The following NGLY1 variants were observed in gnomAD, a reference collection of about 807,000 sequenced individuals.
NGLY1 encodes the protein N-glycanase 1, also known as peptide-N(4)-(N-acetyl-beta-glucosaminyl)asparagine amidase.
NGLY1 carries 68 observed loss-of-function variants against 84.6 expected under a neutral mutation model. That is an observed-to-expected ratio of 0.80 (90% confidence interval 0.66 to 0.98). The LOEUF is 0.98. NGLY1 is among the 50% of genes least tolerant of loss of function. The pLI is 0.00. For synonymous variants in NGLY1, 280 were observed against 275.2 expected (o/e 1.02, Z -0.17); for missense variants, 779 against 770.2 (o/e 1.01, Z -0.14).
intron 6 of NGLY1, 152 bp from the exon 7 acceptor site, chr3:25,736,301 T>C (rs545959772): frequency 4.5e-6 from 7 of 1,550,742 alleles, no homozygotes; most frequent in South Asian, 1.2e-5. Context: ...CACAGGATTT[T>C]AGAATACCTG....
At chr3:25,777,395 CA>C (rs11332980) in intron 2 of NGLY1, among the ~76,000 whole-genome samples, 8,631 of 87,218 alleles carry the variant, frequency 0.099, 535 homozygotes, top group African/African-American at 0.28. Flanking sequence ...AACTCCATCT[CA>C]AAAAAAAAAA....
chr3:25,732,539 T>C (rs1269021898), intron 8 of NGLY1, 56 bp from the exon 9 acceptor site: 1 of 1,355,548 alleles, frequency 7.4e-7, no homozygotes, highest in Non-Finnish European at 1.0e-6. Flanking sequence ...TATAGGTCCA[T>C]CTCTAAGCAA....
At chr3:25,723,927 C>T (rs1213782459) in intron 10 of NGLY1, among the ~76,000 whole-genome samples, 2 of 152,178 alleles carry the variant, frequency 1.3e-5, no homozygotes, top group Admixed American at 6.5e-5. Context: ...ACCAGTGACC[C>T]ATCCTTGCTC....
chr3:25,774,431 C>T (rs1708054520), intron 2 of NGLY1, among the ~76,000 whole-genome samples: 1 of 152,174 alleles, frequency 6.6e-6, no homozygotes, highest in Admixed American at 6.5e-5. Flanking sequence ...TTAGGCATGT[C>T]TGAGAGCAGA....
At chr3:25,785,214 A>G (rs1708576508), upstream of NGLY1, among the ~76,000 whole-genome samples, 1 of 150,986 alleles carries the variant, frequency 6.6e-6, no homozygotes. Context: ...CATTTTCTCT[A>G]CCATATCATT....
At chr3:25,775,617 T>C (rs1708121025) in intron 2 of NGLY1, among the ~76,000 whole-genome samples, 1 of 152,042 alleles carries the variant, frequency 6.6e-6, no homozygotes, top group Non-Finnish European at 1.5e-5. Context: ...AGAGTGATTG[T>C]AAAAAGATAT....
chr3:25,766,910 C>T (rs1253426629), intron 2 of NGLY1, among the ~76,000 whole-genome samples: 2 of 152,118 alleles, frequency 1.3e-5, no homozygotes, highest in Non-Finnish European at 2.9e-5. Context: ...GCCAAAGTGT[C>T]TATATCAAAA....
chr3:25,739,729 G>A lies in NGLY1; in HGVS notation c.729C>T (p.His243=). The A allele has an allele frequency of 1.2e-6, 2 of 1,614,052 alleles. No individual in the cohort carries two copies. Among genetic ancestry groups the A allele is most frequent in the Non-Finnish European group, 1.7e-6 (2 of 1,179,990 alleles). The change falls in exon 5 of 12, where the codon CAC becomes CAT. Residue 243 remains histidine (H), a synonymous_variant. Transcript: ENST00000280700. ...LLHWFKEEFF[H]WVNNVLCSKC... ...TGCTGCACAAAACGTTATTCACCCA[G>A]TGAAAAAATTCTTCCTTAAACCAGT... is the stretch of plus-strand genomic sequence containing the variant.
intron 8 of NGLY1, among the ~76,000 whole-genome samples, chr3:25,733,097 C>G (rs1287674723): frequency 1.3e-5 from 2 of 152,108 alleles, no homozygotes; most frequent in African/African-American, 4.8e-5. Flanking sequence ...TAAAAATAAA[C>G]TGAGGGTCAG....
chr3:25,731,893 AATG>A (rs1705558688), intron 9 of NGLY1, among the ~76,000 whole-genome samples: 1 of 152,164 alleles, frequency 6.6e-6, no homozygotes, highest in Non-Finnish European at 1.5e-5. Context: ...AAGCCAGAAT[AATG>A]ATTACTTTCG....
chr3:25,736,407 A>G (rs1240166336), intron 6 of NGLY1: 1 of 1,540,442 alleles, frequency 6.5e-7, no homozygotes, highest in Admixed American at 2.0e-5. Context: ...AACTCTTAAG[A>G]AGGTAGACAT....
rs888425079 is a variant in NGLY1 at position 25,763,959 on chromosome 3, C to T, written c.492+107G>A. The T allele has an allele frequency of 3.5e-6, 5 of 1,424,780 alleles. No individual in the cohort carries two copies. In the African/African-American group the frequency reaches 5.7e-5, roughly 16 times the overall value. The allele number at this position is 1,424,780 out of a possible 1,614,324, so 88.3% of individuals were successfully genotyped here. A position where few individuals can be genotyped will look rare whatever the true frequency, so the allele number is the denominator to read the frequency against. On this transcript the variant is annotated intron_variant, in intron 3 of 11. Coordinates refer to ENST00000280700, the MANE Select transcript of NGLY1 (RefSeq NM_018297.4). ...GTTTTAGAGTTATAAGAACTAAGAA[C>T]AAAATATGGGGCATAAATTCAGGAA...
chr3:25,719,395 C>T lies in NGLY1; in HGVS notation c.*65G>A. 6.9e-7 allele frequency: 1 copy of T among 1,456,232 alleles called. No individual in the cohort carries two copies. The highest frequency in any genetic ancestry group is 1.2e-5 in the South Asian group (1 of 80,764). 90.2% of individuals were successfully genotyped at this position (1,456,232 alleles called of 1,614,324 possible). On this transcript the variant is annotated 3_prime_UTR_variant, in exon 12 of 12. Transcript: ENST00000280700. ...GTGGTAACTGCCAACTAAGCATGCA[C>T]TGAACCAACAGACTACTTCAGTAAG... is the stretch of plus-strand genomic sequence containing the variant.
At chr3:25,767,091 A>G (rs1354957355) in intron 2 of NGLY1, among the ~76,000 whole-genome samples, 1 of 152,090 alleles carries the variant, frequency 6.6e-6, no homozygotes, top group Admixed American at 6.5e-5. Flanking sequence ...CACGAGTTTG[A>G]GATCAGCCTG....
At chr3:25,750,136 C>CAGCAGGAGAGAGAATGAGTGCA (rs1706655393) in intron 4 of NGLY1, among the ~76,000 whole-genome samples, 1 of 152,100 alleles carries the variant, frequency 6.6e-6, no homozygotes. Context: ...TTTCACAGGG[C>CAGCAGGAGAGAGAATGAGTGCA]AGCAGGAGAG....
intron 3 of NGLY1, among the ~76,000 whole-genome samples, chr3:25,762,070 T>C (rs1197337736): frequency 3.9e-5 from 6 of 152,306 alleles, no homozygotes; most frequent in Non-Finnish European, 8.8e-5. Flanking sequence ...GTATTTTGTA[T>C]CTTAAAAGCT....
intron 5 of NGLY1, among the ~76,000 whole-genome samples, chr3:25,737,690 A>C (rs993516956): frequency 6.6e-6 from 1 of 151,792 alleles, no homozygotes; most frequent in Non-Finnish European, 1.5e-5. Flanking sequence ...CTACAGGTGC[A>C]TGCCACCAGG....
chr3:25,720,851 G>C (rs886851555), intron 10 of NGLY1, among the ~76,000 whole-genome samples: 6 of 152,066 alleles, frequency 3.9e-5, no homozygotes, highest in African/African-American at 1.4e-4. Flanking sequence ...GACATCCACA[G>C]CCTTGGTCTT....
At chr3:25,739,477 T>C in intron 5 of NGLY1, 100 bp downstream of exon 5, 1 of 1,156,720 alleles carries the variant, frequency 8.6e-7, no homozygotes, top group African/African-American at 1.6e-5. Flanking sequence ...TAGAGGAATA[T>C]ATTTCTGATA....
Sources: allele counts gnomAD v4.1 joint callset (sites outside exome capture counted in the v4.1 genomes callset), GRCh38; gene constraint gnomAD v4.1.1; transcripts MANE v1.5; gene names NCBI Gene and HGNC (gene_info 2026-07-23, HGNC 2026-07-21).